Variants in NNT observed in about 807,000 individuals in gnomAD.
NNT encodes the protein NAD(P) transhydrogenase, mitochondrial.
A neutral mutation model predicts 104.8 loss-of-function variants in NNT; 50 were observed. The ratio of observed to expected loss-of-function variants is 0.48; its 90% CI spans 0.38 to 0.60. The LOEUF (loss-of-function observed/expected upper bound fraction) is 0.60, where lower values mean the gene tolerates loss of function less well. Ranked by LOEUF, NNT falls within the 20% of genes least tolerant of loss-of-function variation. The pLI is 0.00. For synonymous variants in NNT, 461 were observed against 490.4 expected (o/e 0.94, Z 0.79); for missense variants, 1,131 against 1,330.7 (o/e 0.85, Z 2.33).
At chr5:43,610,864 A>G (rs1749464538) in intron 2 of NNT, among the ~76,000 whole-genome samples, 1 of 152,220 alleles carries the variant, frequency 6.6e-6, no homozygotes, top group Non-Finnish European at 1.5e-5. Flanking sequence ...CAAGATCTCT[A>G]TATTGATTAT....
chr5:43,681,448 G>A (rs1302132313), intron 19 of NNT, among the ~76,000 whole-genome samples: 1 of 151,692 alleles, frequency 6.6e-6, no homozygotes, highest in Non-Finnish European at 1.5e-5. Context: ...ACCCAGGCTG[G>A]AGGGCAGTGG....
At chr5:43,700,053 A>T in intron 19 of NNT, 66 bp from the exon 20 acceptor site, 1 of 1,204,712 alleles carries the variant, frequency 8.3e-7, no homozygotes, top group Non-Finnish European at 1.2e-6. Flanking sequence ...TTTGGAGGTG[A>T]TATTGGGGTC....
chr5:43,660,104 A>C (rs954597746), intron 17 of NNT, among the ~76,000 whole-genome samples: 2 of 152,202 alleles, frequency 1.3e-5, no homozygotes, highest in Admixed American at 6.5e-5. Flanking sequence ...ATTTGCCCTT[A>C]ATGCTATACA....
chr5:43,623,830 T>C (rs962874331), intron 5 of NNT, among the ~76,000 whole-genome samples: 4 of 152,210 alleles, frequency 2.6e-5, no homozygotes, highest in African/African-American at 7.2e-5. Flanking sequence ...GTTTCTTTGA[T>C]AAAATTTCAA....
chr5:43,659,540 C>T (rs1000259768), intron 17 of NNT, among the ~76,000 whole-genome samples, 190 bp downstream of exon 17: 8 of 151,712 alleles, frequency 5.3e-5, no homozygotes, highest in Non-Finnish European at 1.0e-4. Context: ...ACCAGCCTGC[C>T]CAAGATAGTA....
At chr5:43,668,764 C>T (rs1177802250) in intron 17 of NNT, among the ~76,000 whole-genome samples, 4 of 152,156 alleles carry the variant, frequency 2.6e-5, no homozygotes, top group South Asian at 2.1e-4. Flanking sequence ...GCAATGTGAG[C>T]TCTTTTTTGG....
At chr5:43,666,579 G>A (rs1277198702) in intron 17 of NNT, among the ~76,000 whole-genome samples, 2 of 150,504 alleles carry the variant, frequency 1.3e-5, no homozygotes, top group Non-Finnish European at 3.0e-5. Context: ...GGGGGAGACC[G>A]AGCAGAGAGG....
chr5:43,661,101 A>G (rs1443466195), intron 17 of NNT, among the ~76,000 whole-genome samples: 1 of 152,022 alleles, frequency 6.6e-6, no homozygotes, highest in African/African-American at 2.4e-5. Context: ...GATAGCCCAA[A>G]TTCAAAACAA....
intron 21 of NNT, 110 bp downstream of exon 21, chr5:43,702,846 C>T: frequency 1.4e-6 from 1 of 730,164 alleles, no homozygotes; most frequent in Non-Finnish European, 2.2e-6. Context: ...TCTAGGAGGC[C>T]AGGAGTAAGA....
At chr5:43,604,106 C>G (rs1248025553) in intron 1 of NNT, among the ~76,000 whole-genome samples, 2 of 152,288 alleles carry the variant, frequency 1.3e-5, no homozygotes, top group East Asian at 3.9e-4. Context: ...GGTGAGGTCA[C>G]GGCGCCTGCC....
Position 43,656,475 on chromosome 5 carries a change from G to C in NNT, c.2294-178G>C, listed in dbSNP as rs576851701. ...TTTCATTTGCAGACAGCTAATGGAG[G>C]AAATTAGTGAACAGAAATTTGCATG... On this transcript the variant is annotated intron_variant, in intron 15 of 21. Transcript: ENST00000344920. Among the ~76,000 whole-genome samples the C allele has an allele frequency of 1.4e-3, 216 of 152,206 alleles. 1 individual carries two copies. Among genetic ancestry groups the C allele is most frequent in the African/African-American group, 5.0e-3 (209 of 41,516 alleles).
intron 10 of NNT, chr5:43,647,846 C>G: frequency 2.2e-6 from 1 of 454,508 alleles, no homozygotes; most frequent in South Asian, 1.6e-5. Flanking sequence ...AGGCATTGTG[C>G]TAAATACTTC....
At chr5:43,635,607 G>A (rs1299530707) in intron 7 of NNT, among the ~76,000 whole-genome samples, 1 of 152,124 alleles carries the variant, frequency 6.6e-6, no homozygotes, top group Non-Finnish European at 1.5e-5. Flanking sequence ...CCAGAGTTCT[G>A]GAGGATAGAT....
intron 3 of NNT, among the ~76,000 whole-genome samples, chr5:43,615,160 TAAATA>T (rs1185655277): frequency 6.6e-6 from 1 of 151,502 alleles, no homozygotes; most frequent in Non-Finnish European, 1.5e-5. Flanking sequence ...CAAAAAAAAA[TAAATA>T]AAATAAAAAA....
chr5:43,616,185 T>C, intron 4 of NNT, 120 bp downstream of exon 4: 1 of 795,054 alleles, frequency 1.3e-6, no homozygotes, highest in Non-Finnish European at 2.0e-6. Flanking sequence ...TTACAGCCTT[T>C]TGAGAGTGCA....
intron 4 of NNT, among the ~76,000 whole-genome samples, chr5:43,616,902 T>C (rs1200710038): frequency 6.6e-6 from 1 of 152,116 alleles, no homozygotes; most frequent in Non-Finnish European, 1.5e-5. Context: ...TATTAGTAGT[T>C]GAGAATTTGC....
intron 5 of NNT, among the ~76,000 whole-genome samples, chr5:43,623,106 A>G (rs1750182372): frequency 6.6e-6 from 1 of 152,050 alleles, no homozygotes; most frequent in Non-Finnish European, 1.5e-5. Flanking sequence ...ACACCCCATT[A>G]TCAAGATCAA....
intron 19 of NNT, among the ~76,000 whole-genome samples, chr5:43,697,894 T>G (rs1229984778): frequency 2.6e-5 from 4 of 152,130 alleles, no homozygotes; most frequent in Non-Finnish European, 5.9e-5. Context: ...TTCAGTAATC[T>G]TCCACCAGGT....
At chr5:43,690,986 A>G (rs1198690734) in intron 19 of NNT, among the ~76,000 whole-genome samples, 1 of 152,120 alleles carries the variant, frequency 6.6e-6, no homozygotes, top group Non-Finnish European at 1.5e-5. Context: ...CAAATAAGAA[A>G]TATTTGGTCA....
Sources: gnomAD v4.1 joint callset for allele counts (sites outside exome capture counted in the v4.1 genomes callset) on GRCh38, gnomAD v4.1.1 for gene constraint, MANE v1.5 for transcripts, NCBI Gene and HGNC (gene_info 2026-07-23, HGNC 2026-07-21) for gene names.